PLCG2: variants seen among roughly 807,000 people sequenced by gnomAD.
PLCG2 encodes 1-phosphatidylinositol 4,5-bisphosphate phosphodiesterase gamma-2.
A neutral mutation model predicts 175.6 loss-of-function variants in PLCG2; 69 were observed. That is an observed-to-expected ratio of 0.39 (90% CI 0.32 to 0.48). PLCG2 has a LOEUF of 0.48. PLCG2 is among the 20% of genes least tolerant of loss of function. The pLI is 0.91. For missense variants in PLCG2, 1,798 were observed against 1,650.9 expected (o/e 1.09, Z -1.54); for synonymous variants, 827 against 624.0 (o/e 1.33, Z -4.85).
At chr16:81,772,877 G>A (rs1159627292) in intron 2 of PLCG2, among the ~76,000 whole-genome samples, 2 of 152,140 alleles carry the variant, frequency 1.3e-5, no homozygotes, top group Non-Finnish European at 1.5e-5. Flanking sequence ...GGGAACAAAA[G>A]GGAGACCTTC....
intron 2 of PLCG2, among the ~76,000 whole-genome samples, chr16:81,831,101 C>A (rs1905242104): frequency 6.6e-6 from 1 of 152,192 alleles, no homozygotes; most frequent in Non-Finnish European, 1.5e-5. Flanking sequence ...TCCCTGATAA[C>A]ACCTTCTATG....
intron 2 of PLCG2, among the ~76,000 whole-genome samples, chr16:81,848,754 G>T (rs1425777901): frequency 6.6e-6 from 1 of 152,226 alleles, no homozygotes; most frequent in Admixed American, 6.5e-5. Context: ...GGAGCTCAGT[G>T]GTGAAGAAGG....
rs567585372 is a variant in PLCG2, at chr16:81,808,199, A to G, written c.193+22017A>G. Among the ~76,000 whole-genome samples the G allele has an allele frequency of 9.1e-4, 139 of 152,316 alleles. 1 individual carries two copies. Among genetic ancestry groups the G allele is most frequent in the Middle Eastern group, 3.4e-3 (1 of 294 alleles). ...CCATGCAGTAACCATTCATTTAAGC[A>G]TTTGTGACTACATTTAACCTTTTGA... On this transcript the variant is annotated intron_variant, in intron 2 of 32. Transcript: ENST00000564138.
At chr16:81,853,186 C>G (rs1172706844) in intron 2 of PLCG2, among the ~76,000 whole-genome samples, 5 of 152,228 alleles carry the variant, frequency 3.3e-5, no homozygotes, top group African/African-American at 1.2e-4. Context: ...CAAAAACTAG[C>G]CGGGCATGGT....
intron 30 of PLCG2, among the ~76,000 whole-genome samples, chr16:81,945,166 G>T (rs1911103249): frequency 6.6e-6 from 1 of 152,168 alleles, no homozygotes; most frequent in Non-Finnish European, 1.5e-5. Context: ...GAGATTCAGT[G>T]GATATTGTTT....
chr16:81,798,953 C>G (rs1911597455), intron 2 of PLCG2: 1 of 152,578 alleles, frequency 6.6e-6, no homozygotes. Context: ...TGCCACCAGC[C>G]TCCACCAGTG....
chr16:81,799,289 T>A (rs1182763341), intron 2 of PLCG2, among the ~76,000 whole-genome samples: 2 of 152,214 alleles, frequency 1.3e-5, no homozygotes, highest in Non-Finnish European at 2.9e-5. Context: ...CCAAATCTTT[T>A]TGTCCAACAA....
chr16:81,784,217 C>T (rs1910869571), intron 1 of PLCG2, among the ~76,000 whole-genome samples: 2 of 152,178 alleles, frequency 1.3e-5, no homozygotes, highest in Admixed American at 1.3e-4. Flanking sequence ...TCCTGGGCCC[C>T]TCCCCATTCC....
At chr16:81,794,545 T>C (rs1911380864) in intron 2 of PLCG2, among the ~76,000 whole-genome samples, 1 of 152,198 alleles carries the variant, frequency 6.6e-6, no homozygotes, top group South Asian at 2.1e-4. Context: ...CAAATCCTGG[T>C]CCTGCACTTG....
At position 81,952,412 on chromosome 16, in the gene PLCG2, A is replaced by G. The variant is rs578046255; in HGVS notation, c.3571-4283A>G. ...TCAATTCCAGATATTGCTAAATATCATATGCCAATAAAAAGAAATCAGGGC... is the reference window on the plus strand; with the variant it reads ...TCAATTCCAGATATTGCTAAATATCGTATGCCAATAAAAAGAAATCAGGGC... On this transcript the variant is annotated intron_variant, in intron 31 of 32. Coordinates refer to ENST00000564138, the MANE Select transcript of PLCG2 (RefSeq NM_002661.5). 7.2e-5 allele frequency among the ~76,000 whole-genome samples: 11 copies of G among 152,336 alleles called. No individual in the cohort carries two copies. In the East Asian group the frequency reaches 1.9e-3, roughly 27 times the overall value.
rs41311270 is a variant in PLCG2 at position 81,937,920 on chromosome 16, C to G, written c.3198+17C>G. ...ACAGTCAAGGTAAAGCCAGCCCTCCCTTCCTGCCAGGGGAGCCAGCCGCCC... is the reference window on the plus strand; with the variant it reads ...ACAGTCAAGGTAAAGCCAGCCCTCCGTTCCTGCCAGGGGAGCCAGCCGCCC... On this transcript the variant is annotated intron_variant, in intron 28 of 32. Transcript: ENST00000564138. The G allele has an allele frequency of 2.4e-5, 38 of 1,613,066 alleles. No individual in the cohort carries two copies. Among genetic ancestry groups the G allele is most frequent in the Admixed American group, 6.7e-5 (4 of 59,966 alleles).
chr16:81,774,415 G>A (rs1910352939), upstream of PLCG2, among the ~76,000 whole-genome samples: 1 of 152,094 alleles, frequency 6.6e-6, no homozygotes, highest in Non-Finnish European at 1.5e-5. Context: ...TAGCAGAGGG[G>A]TCTGCCCTCC....
At chr16:81,805,929 T>A (rs978914784) in intron 2 of PLCG2, among the ~76,000 whole-genome samples, 1 of 151,956 alleles carries the variant, frequency 6.6e-6, no homozygotes, top group Non-Finnish European at 1.5e-5. Flanking sequence ...TGTGAGCCAC[T>A]GTACGCAGTC....
intron 2 of PLCG2, among the ~76,000 whole-genome samples, chr16:81,806,471 G>C (rs1050652949): frequency 6.6e-6 from 1 of 152,020 alleles, no homozygotes; most frequent in African/African-American, 2.4e-5. Flanking sequence ...CTGTACTTCT[G>C]CAGATTACTG....
At chr16:81,917,003 C>G (rs1033236824) in intron 19 of PLCG2, among the ~76,000 whole-genome samples, 2 of 152,152 alleles carry the variant, frequency 1.3e-5, no homozygotes, top group Non-Finnish European at 2.9e-5. Context: ...CTCCTCTTGT[C>G]TAACTGAAAT....
intron 7 of PLCG2, among the ~76,000 whole-genome samples, chr16:81,873,441 T>C (rs12102309): frequency 0.55 from 83,617 of 152,098 alleles, 23,584 homozygotes; most frequent in Middle Eastern, 0.63. Context: ...TGTCATAGAA[T>C]AATGATGACA....
chr16:81,864,829 C>T (rs1369906354), intron 5 of PLCG2, among the ~76,000 whole-genome samples: 7 of 151,960 alleles, frequency 4.6e-5, no homozygotes, highest in Admixed American at 1.3e-4. Flanking sequence ...GGGGGCCTCC[C>T]GGGCTGAGCA....
chr16:81,916,289 T>C (rs1031159164), intron 19 of PLCG2, among the ~76,000 whole-genome samples: 1 of 94,528 alleles, frequency 1.1e-5, no homozygotes, highest in African/African-American at 4.5e-5. Context: ...AATCCTTTTT[T>C]AAAAAAAGAA....
intron 7 of PLCG2, among the ~76,000 whole-genome samples, chr16:81,875,757 CA>C (rs1567510789): frequency 6.6e-6 from 1 of 152,138 alleles, no homozygotes; most frequent in Non-Finnish European, 1.5e-5. Context: ...AAAGCACTTG[CA>C]AAAAATCAAA....
Sources: allele counts gnomAD v4.1 joint callset (sites outside exome capture counted in the v4.1 genomes callset), GRCh38; gene constraint gnomAD v4.1.1; transcripts MANE v1.5; gene names NCBI Gene and HGNC (gene_info 2026-07-23, HGNC 2026-07-21).